Variants in SCN8A observed in about 807,000 individuals in gnomAD.
SCN8A encodes the protein sodium channel protein type 8 subunit alpha.
Under a neutral mutation model 184.1 loss-of-function variants are expected in SCN8A, and 30 were observed. The observed-to-expected ratio is 0.16, with a 90% CI of 0.12 to 0.22. SCN8A has a LOEUF of 0.22. Ranked by LOEUF, SCN8A falls within the 10% of genes least tolerant of loss-of-function variation. SCN8A has a pLI of 1.00. For synonymous variants in SCN8A, 852 were observed against 907.0 expected (o/e 0.94, Z 1.09); for missense variants, 1,057 against 2,498.9 (o/e 0.42, Z 12.30).
In SCN8A at chr12:51,663,089, A is replaced by T. The variant is rs768040823; in HGVS notation, c.272A>T (p.Gln91Leu). 1 of 1,613,298 alleles carries T rather than the reference A, an allele frequency of 6.2e-7. No individual in the cohort carries two copies. The highest frequency in any genetic ancestry group is 2.2e-5 in the East Asian group (1 of 44,870). The stretch of plus-strand genomic sequence containing the variant: ...GACTTTGACCCATACTATTTGACGC[A>T]GAAAGTGAGTTGGAGGAGGAGGAGC... ...LEDFDPYYLT[Q>L]KTFVVLNRGK... Residue 91 changes from glutamine (Q) to leucine (L), a missense_variant, in exon 2 of 27, where the codon CAG (glutamine) becomes CTG (leucine). By Grantham distance (113) the Gln-to-Leu change is moderately radical (BLOSUM62 -2). This residue lies in a region of SCN8A where 66 missense variants were observed against 276.4 expected (regional missense o/e 0.24). Transcript: ENST00000627620.
chr12:51,710,237 A>G (rs957503514), intron 11 of SCN8A, among the ~76,000 whole-genome samples: 6 of 152,086 alleles, frequency 3.9e-5, no homozygotes, highest in African/African-American at 1.4e-4. Flanking sequence ...TACGGTTACA[A>G]CCTATGTGTT....
chr12:51,796,165 CA>C (rs1938401569), intron 26 of SCN8A, among the ~76,000 whole-genome samples: 1 of 152,074 alleles, frequency 6.6e-6, no homozygotes, highest in Non-Finnish European at 1.5e-5. Flanking sequence ...TGCCAGGTAC[CA>C]TAATAAGTGC....
intron 1 of SCN8A, among the ~76,000 whole-genome samples, chr12:51,593,996 G>A (rs145655295): frequency 1.3e-5 from 2 of 152,334 alleles, no homozygotes; most frequent in African/African-American, 2.4e-5. Context: ...GATCAGGAGA[G>A]CGTCTTCTGT....
In SCN8A at chr12:51,764,257, G is replaced by C. The variant is rs1426226834; in HGVS notation, c.2545-1414G>C. Among the ~76,000 whole-genome samples, 3 of 152,250 alleles carry C rather than the reference G, an allele frequency of 2.0e-5. No homozygotes were observed. In the East Asian group the frequency reaches 5.8e-4, roughly 29 times the overall value. On this transcript the variant is annotated intron_variant, in intron 15 of 26. Coordinates refer to ENST00000627620, the MANE Select transcript of SCN8A (RefSeq NM_001330260.2). ...AAAATTCCTATTACATTCTATGTTA[G>C]TTATTTGTTAGCATATGACATCTAA...
At chr12:51,735,692 C>T (rs1484080131) in intron 12 of SCN8A, among the ~76,000 whole-genome samples, 2 of 152,154 alleles carry the variant, frequency 1.3e-5, no homozygotes, top group Non-Finnish European at 2.9e-5. Context: ...ACGGGTGTTG[C>T]TCGTAACTGT....
chr12:51,724,599 G>C (rs1942126965), intron 12 of SCN8A, among the ~76,000 whole-genome samples: 1 of 152,196 alleles, frequency 6.6e-6, no homozygotes, highest in African/African-American at 2.4e-5. Flanking sequence ...TCCACAGTTA[G>C]ATAATTATGT....
chr12:51,641,961 T>G (rs1421551551), intron 1 of SCN8A, among the ~76,000 whole-genome samples: 2 of 152,234 alleles, frequency 1.3e-5, no homozygotes, highest in Non-Finnish European at 2.9e-5. Context: ...GCAGAACTGT[T>G]GAAAAGAAGA....
rs201193105 is a variant in SCN8A, at chr12:51,765,665, C to A, written c.2545-6C>A. The A allele has an allele frequency of 2.1e-5, 25 of 1,205,542 alleles. No individual in the cohort carries two copies. Among genetic ancestry groups the A allele is most frequent in the Non-Finnish European group, 2.5e-5 (23 of 920,044 alleles). 74.7% of individuals were successfully genotyped at this position (1,205,542 alleles called of 1,614,324 possible). ...ATTTTTTTGTTTGGGTTTTTTTTTT[C>A]CTTAGCTCCGAGTCTTCAAATTGGC... On this transcript the variant is annotated splice_region_variant and splice_polypyrimidine_tract_variant and intron_variant, in intron 15 of 26. Transcript: ENST00000627620.
chr12:51,784,183 A>C (rs894457876), intron 21 of SCN8A, among the ~76,000 whole-genome samples: 2 of 152,222 alleles, frequency 1.3e-5, no homozygotes, highest in Non-Finnish European at 2.9e-5. Flanking sequence ...CATATGGAGC[A>C]CAGTTAAATA....
chr12:51,742,272 A>T (rs745720758), intron 12 of SCN8A, among the ~76,000 whole-genome samples: 1 of 152,170 alleles, frequency 6.6e-6, no homozygotes, highest in Non-Finnish European at 1.5e-5. Context: ...CTGTATGCCT[A>T]CTATTACCAG....
At chr12:51,596,083 A>G (rs1179013636) in intron 1 of SCN8A, among the ~76,000 whole-genome samples, 1 of 152,106 alleles carries the variant, frequency 6.6e-6, no homozygotes, top group African/African-American at 2.4e-5. Context: ...GGTGAAATGG[A>G]CTCAAAGGCT....
At chr12:51,738,596 G>A (rs1392554021) in intron 12 of SCN8A, among the ~76,000 whole-genome samples, 12 of 152,008 alleles carry the variant, frequency 7.9e-5, no homozygotes, top group Non-Finnish European at 1.6e-4. Flanking sequence ...CCTCCTGTTC[G>A]TTTAATTTCA....
rs139932776 is a variant in SCN8A at position 51,771,030 on chromosome 12, C to T, written c.3645+347C>T. Among the ~76,000 whole-genome samples the T allele has an allele frequency of 2.8e-3, 422 of 152,320 alleles. 4 individuals carry two copies. Among genetic ancestry groups the T allele is most frequent in the African/African-American group, 8.4e-3 (348 of 41,566 alleles). ...CCCAGGATGGGAGGGAGGTGTTATT[C>T]CTCCACTTACTGTCCCTTCACAGCC... is the stretch of plus-strand genomic sequence containing the variant. On this transcript the variant is annotated intron_variant, in intron 19 of 26. Coordinates refer to ENST00000627620, the MANE Select transcript of SCN8A (RefSeq NM_001330260.2).
intron 13 of SCN8A, among the ~76,000 whole-genome samples, chr12:51,748,489 G>A (rs1050449714): frequency 6.6e-6 from 1 of 152,146 alleles, no homozygotes; most frequent in African/African-American, 2.4e-5. Flanking sequence ...GACTGGGCGT[G>A]GGGTGTAGGT....
intron 9 of SCN8A, 61 bp from the exon 10 acceptor site, chr12:51,705,356 G>T (rs1941765097): frequency 1.3e-6 from 2 of 1,524,272 alleles, no homozygotes; most frequent in Non-Finnish European, 1.8e-6. Flanking sequence ...TGGCCCATTA[G>T]CTGTTTTCAG....
chr12:51,670,083 A>G (rs916146308), intron 2 of SCN8A, among the ~76,000 whole-genome samples: 1 of 152,200 alleles, frequency 6.6e-6, no homozygotes, highest in Non-Finnish European at 1.5e-5. Flanking sequence ...CAGTTATTTT[A>G]TTTACCAAAT....
At position 51,691,891 on chromosome 12, in the gene SCN8A, C is replaced by T. The variant is rs141993569; in HGVS notation, c.706+2795C>T. 3.8e-3 allele frequency among the ~76,000 whole-genome samples: 580 copies of T among 152,286 alleles called. 4 individuals are homozygous for T. Among genetic ancestry groups the T allele is most frequent in the African/African-American group, 0.013 (535 of 41,568 alleles). On this transcript the variant is annotated intron_variant, in intron 6 of 26. Coordinates refer to ENST00000627620, the MANE Select transcript of SCN8A (RefSeq NM_001330260.2). ...TGAAATTGCTGATTATGCTTTCTCC[C>T]ATAGAGGGCTGTTGTGCTATTCCTA...
At chr12:51,724,568 G>A (rs887417551) in intron 12 of SCN8A, among the ~76,000 whole-genome samples, 11 of 152,120 alleles carry the variant, frequency 7.2e-5, no homozygotes, top group East Asian at 1.9e-4. Context: ...CTAATTCTGC[G>A]AATAGGGATA....
At chr12:51,774,682 C>G (rs1020945781) in intron 20 of SCN8A, among the ~76,000 whole-genome samples, 6 of 152,110 alleles carry the variant, frequency 3.9e-5, no homozygotes, top group African/African-American at 1.4e-4. Flanking sequence ...CAGGAAAGTT[C>G]TTGCCCCAGG....
Sources: gnomAD v4.1 joint callset for allele counts (sites outside exome capture counted in the v4.1 genomes callset) on GRCh38, gnomAD v4.1.1 for gene constraint, gnomAD v4.1.1 regional missense constraint, MANE v1.5 for transcripts, NCBI Gene and HGNC (gene_info 2026-07-23, HGNC 2026-07-21) for gene names.